Variants in PKDCC observed in about 807,000 individuals in gnomAD.
PKDCC encodes the protein extracellular tyrosine-protein kinase PKDCC.
In PKDCC, 35 loss-of-function variants were observed where a neutral mutation model predicts 44.7. The observed-to-expected ratio is 0.78, with a 90% CI of 0.60 to 1.04. The LOEUF (loss-of-function observed/expected upper bound fraction) is 1.04. Among genes scored for constraint, PKDCC ranks in the 50% least tolerant of loss-of-function variants. The pLI, the probability that PKDCC is intolerant of heterozygous loss-of-function variation, is 0.00. For missense variants in PKDCC, 738 were observed against 672.7 expected (o/e 1.10, Z -1.07); for synonymous variants, 353 against 303.3 (o/e 1.16, Z -1.70).
At position 42,054,750 on chromosome 2, in the gene PKDCC, T is replaced by G. The variant is rs1034511013; in HGVS notation, c.1035-191T>G. 1.2e-5 allele frequency: 8 copies of G among 658,526 alleles called. No homozygotes were observed. The African/African-American group carries it at 1.3e-4, about 10-fold the overall frequency. 40.8% of individuals were successfully genotyped at this position (658,526 alleles called of 1,614,324 possible). ...GCCCCTGGTTTCGGTTAGTATGAAG[T>G]TAGGTGTGGTGTTAGCATGTGCCCA... On this transcript the variant is annotated intron_variant, in intron 3 of 6. Transcript: ENST00000294964. This position sits in a 1 kb window ranked among gnomAD's most constrained non-coding sequence, Gnocchi z 6.1.
Position 42,051,604 on chromosome 2 carries a change from A to G in PKDCC, c.640-1635A>G, listed in dbSNP as rs1382005150. On this transcript the variant is annotated intron_variant, in intron 1 of 6. Coordinates refer to ENST00000294964, the MANE Select transcript of PKDCC (RefSeq NM_138370.3). This position sits in a 1 kb window ranked among gnomAD's most constrained non-coding sequence, Gnocchi z 4.2. ...CTTCAGAAGTTTCCCACAAAGGCTC[A>G]GACTCTGGGCAAGAAAATGAGAACC... Among the ~76,000 whole-genome samples, 1 of 152,148 alleles carries G rather than the reference A, an allele frequency of 6.6e-6. No individual in the cohort carries two copies. Among genetic ancestry groups the G allele is most frequent in the African/African-American group, 2.4e-5 (1 of 41,428 alleles).
In PKDCC at chr2:42,052,971, G is replaced by C. The variant is rs1275579065; in HGVS notation, c.640-268G>C. On this transcript the variant is annotated intron_variant, in intron 1 of 6. Coordinates refer to ENST00000294964, the MANE Select transcript of PKDCC (RefSeq NM_138370.3). The surrounding 1 kb of genome is among the most constrained non-coding windows in gnomAD (Gnocchi z 4.3). The stretch of plus-strand genomic sequence containing the variant: ...TATGCACGTAGAGCAATTTAGCATG[G>C]TACCTGGCACGTGGTTAACTCACAG... 3.3e-5 allele frequency among the ~76,000 whole-genome samples: 5 copies of C among 152,278 alleles called. No homozygotes were observed. The East Asian group carries it at 7.7e-4, about 24-fold the overall frequency.
intron 1 of PKDCC, among the ~76,000 whole-genome samples, chr2:42,050,503 A>G (rs1667946756): frequency 6.6e-6 from 1 of 152,042 alleles, no homozygotes; most frequent in Non-Finnish European, 1.5e-5. Flanking sequence ...GCCAGCTCAA[A>G]CTTCCTGACA....
In PKDCC at chr2:42,048,707, T is replaced by C. The variant is rs1416591714; in HGVS notation, c.508T>C (p.Phe170Leu). 1.9e-6 allele frequency: 3 copies of C among 1,555,622 alleles called. No individual in the cohort carries two copies. The African/African-American group carries it at 4.1e-5, about 21-fold the overall frequency. ...CGCGGTGGCGCTCAAGGCGGTGGACTTTAGCGGCCACGATCTGGGCAGCTG... is the reference window on the plus strand; with the variant it reads ...CGCGGTGGCGCTCAAGGCGGTGGACCTTAGCGGCCACGATCTGGGCAGCTG... ...GAAVALKAVD[F>L]SGHDLGSCVR... The change falls in exon 1 of 7, where the codon TTT (phenylalanine) becomes CTT (leucine). Residue 170 changes from phenylalanine to leucine, a missense_variant. Transcript: ENST00000294964. This position sits in a 1 kb window ranked among gnomAD's most constrained non-coding sequence, Gnocchi z 6.2.
Position 42,058,052 on chromosome 2 carries a change from C to A in PKDCC, c.*364C>A, listed in dbSNP as rs1668088282. ...TGTGTTCAATAGTGTGAGAATGTAG[C>A]TAAAGCCCCTGCTGCTGCTGCTGCA... is the stretch of plus-strand genomic sequence containing the variant. On this transcript the variant is annotated 3_prime_UTR_variant, in exon 7 of 7. Coordinates refer to ENST00000294964, the MANE Select transcript of PKDCC (RefSeq NM_138370.3). The surrounding 1 kb of genome is among the most constrained non-coding windows in gnomAD (Gnocchi z 4.2). 4.1e-6 allele frequency: 1 copy of A among 242,750 alleles called. No homozygotes were observed. Among genetic ancestry groups the A allele is most frequent in the Non-Finnish European group, 8.0e-6 (1 of 124,624 alleles). 15.0% of individuals were successfully genotyped at this position (242,750 alleles called of 1,614,324 possible).
chr2:42,057,144 T>G (rs1366727282), intron 5 of PKDCC, 77 bp from the exon 6 acceptor site: 1 of 1,522,702 alleles, frequency 6.6e-7, no homozygotes, highest in Non-Finnish European at 9.0e-7. Flanking sequence ...TGCTGCCCTT[T>G]CCAGAAAGTG....
intron 1 of PKDCC, among the ~76,000 whole-genome samples, chr2:42,050,584 A>C (rs560905632): frequency 1.3e-5 from 2 of 152,252 alleles, no homozygotes; most frequent in African/African-American, 4.8e-5. Flanking sequence ...CCCCAGCCCA[A>C]TTCTGAAGGC....
intron 1 of PKDCC, among the ~76,000 whole-genome samples, chr2:42,049,106 G>A (rs977971687): frequency 2.0e-5 from 3 of 152,164 alleles, no homozygotes; most frequent in Non-Finnish European, 4.4e-5. Flanking sequence ...AAAACTCAGG[G>A]GGTGGGGCAG....
intron 1 of PKDCC, among the ~76,000 whole-genome samples, chr2:42,049,974 G>C (rs1343429827): frequency 6.6e-6 from 1 of 152,168 alleles, no homozygotes; most frequent in Non-Finnish European, 1.5e-5. Flanking sequence ...TGGAAACCCA[G>C]GAGTCCCTCT....
Position 42,054,825 on chromosome 2 carries a change from T to C in PKDCC, c.1035-116T>C. On this transcript the variant is annotated intron_variant, in intron 3 of 6. Coordinates refer to ENST00000294964, the MANE Select transcript of PKDCC (RefSeq NM_138370.3). The surrounding 1 kb of genome is among the most constrained non-coding windows in gnomAD (Gnocchi z 6.1). ...ACTTCACTGCGTTCTGCCTGGTTGC[T>C]AGGCCTGAGGGATCCGGCTCCCTGG... 1 of 967,670 alleles carries C rather than the reference T, an allele frequency of 1.0e-6. No homozygotes were observed. Among genetic ancestry groups the C allele is most frequent in the Non-Finnish European group, 1.7e-6 (1 of 600,534 alleles). The allele number at this position is 967,670 out of a possible 1,614,324, so 59.9% of individuals were successfully genotyped here. A position where few individuals can be genotyped will look rare whatever the true frequency, so the allele number is the denominator to read the frequency against.
intron 2 of PKDCC, 142 bp downstream of exon 2, chr2:42,053,503 C>T (rs900802794): frequency 3.2e-5 from 38 of 1,180,872 alleles, no homozygotes; most frequent in East Asian, 1.3e-4. Context: ...ACTCAGCCAC[C>T]GGCCAAAGGG....
In PKDCC at chr2:42,052,826, A is replaced by G. The variant is rs894371586; in HGVS notation, c.640-413A>G. ...ACAAATTCACATCTTAGGCTCCTAC[A>G]TTGATCAGCTGTGCGACCTTATGCA... On this transcript the variant is annotated intron_variant, in intron 1 of 6. Transcript: ENST00000294964. The surrounding 1 kb of genome is among the most constrained non-coding windows in gnomAD (Gnocchi z 4.3). 6.6e-6 allele frequency among the ~76,000 whole-genome samples: 1 copy of G among 152,004 alleles called. No individual in the cohort carries two copies. The highest frequency in any genetic ancestry group is 1.5e-5 in the Non-Finnish European group (1 of 68,012).
chr2:42,054,188 G>C lies in PKDCC; in HGVS notation c.915G>C (p.Pro305=). 2.5e-6 allele frequency: 4 copies of C among 1,609,036 alleles called. No individual in the cohort carries two copies. Among genetic ancestry groups the C allele is most frequent in the Non-Finnish European group, 3.4e-6 (4 of 1,177,642 alleles). The change falls in exon 3 of 7, where the codon CCG becomes CCC. Residue 305 remains proline (P), a synonymous_variant. Transcript: ENST00000294964. This position sits in a 1 kb window ranked among gnomAD's most constrained non-coding sequence, Gnocchi z 6.1. ...ATGACGCACGTGTGGAGGAGACGCC[G>C]TGTGCAGGCAGCACCGACTGCATAC... ...DLDDARVEET[P]CAGSTDCILE...
At chr2:42,056,248 G>T (rs529907162) in intron 5 of PKDCC, among the ~76,000 whole-genome samples, 4 of 152,202 alleles carry the variant, frequency 2.6e-5, no homozygotes, top group African/African-American at 9.6e-5. Flanking sequence ...CCAGAGCTGG[G>T]GCTCTCCAGG....
intron 5 of PKDCC, among the ~76,000 whole-genome samples, chr2:42,056,560 G>A (rs538239956): frequency 1.3e-5 from 2 of 152,208 alleles, no homozygotes; most frequent in East Asian, 3.9e-4. Flanking sequence ...CTGGATGCTG[G>A]TTAGAAGTAC....
Position 42,052,040 on chromosome 2 carries a change from A to C in PKDCC, c.640-1199A>C, listed in dbSNP as rs1035118888. Among the ~76,000 whole-genome samples, 2 of 152,074 alleles carry C rather than the reference A, an allele frequency of 1.3e-5. 1 individual carries two copies. The highest frequency in any genetic ancestry group is 1.3e-4 in the Admixed American group (2 of 15,276). ...TGCTGTGGAGTATGTTGGAAGAGCC[A>C]GGGGGATGCCTGTGGGTGCTGTTAA... On this transcript the variant is annotated intron_variant, in intron 1 of 6. Transcript: ENST00000294964. This position sits in a 1 kb window ranked among gnomAD's most constrained non-coding sequence, Gnocchi z 4.3.
In PKDCC at chr2:42,058,480, A is replaced by C. The variant is rs1668096506; in HGVS notation, c.*792A>C. ...AAATTGTTTATTTTTGTAAAAAATA[A>C]AATAAAATTAGTTAATAAAATGATG... On this transcript the variant is annotated 3_prime_UTR_variant, in exon 7 of 7. Transcript: ENST00000294964. The surrounding 1 kb of genome is among the most constrained non-coding windows in gnomAD (Gnocchi z 4.2). 6.6e-6 allele frequency: 1 copy of C among 152,406 alleles called. No homozygotes were observed. Among genetic ancestry groups the C allele is most frequent in the Non-Finnish European group, 1.5e-5 (1 of 68,042 alleles). The allele number at this position is 152,406 out of a possible 1,614,324, so 9.4% of individuals were successfully genotyped here.
chr2:42,056,904 T>C (rs964646835), intron 5 of PKDCC, among the ~76,000 whole-genome samples: 2 of 152,252 alleles, frequency 1.3e-5, no homozygotes, highest in Non-Finnish European at 2.9e-5. Context: ...CCTAGACAGC[T>C]GGGACTCCAT....
rs2103932917 is a variant in PKDCC at position 42,057,284 on chromosome 2, A to G, written c.1286A>G (p.His429Arg). The change falls in exon 6 of 7, where the codon CAC becomes CGC. Residue 429 changes from histidine to arginine, a missense_variant. Coordinates refer to ENST00000294964, the MANE Select transcript of PKDCC (RefSeq NM_138370.3). ...QEDYRCWPSYHHGSCLLSVFN... is the reference protein window; with the variant it reads ...QEDYRCWPSYRHGSCLLSVFN... ...GACTACCGCTGCTGGCCATCCTACC[A>G]CCACGGGAGCTGCCTCCTTTCAGTG... 6.2e-7 allele frequency: 1 copy of G among 1,614,092 alleles called. No individual in the cohort carries two copies. Among genetic ancestry groups the G allele is most frequent in the Non-Finnish European group, 8.5e-7 (1 of 1,180,006 alleles).
Sources: gnomAD v4.1 joint callset for allele counts (sites outside exome capture counted in the v4.1 genomes callset) on GRCh38, gnomAD v4.1.1 for gene constraint, Gnocchi (gnomAD v3.1) non-coding constraint, MANE v1.5 for transcripts, NCBI Gene and HGNC (gene_info 2026-07-23, HGNC 2026-07-21) for gene names.